The following TNS3 variants were observed in gnomAD, a reference collection of about 807,000 sequenced individuals.
TNS3 encodes tensin 3, also known as tensin-3.
TNS3 carries 45 observed loss-of-function variants against 140.9 expected under a neutral mutation model. The ratio of observed to expected loss-of-function variants is 0.32; its 90% CI spans 0.25 to 0.41. The LOEUF (loss-of-function observed/expected upper bound fraction) is 0.41. Ranked by LOEUF, TNS3 falls within the 10% of genes least tolerant of loss-of-function variation. The probability of loss-of-function intolerance (pLI) is 1.00; values close to 1 mark genes in which losing one functional copy is unlikely to be tolerated. For missense variants in TNS3, 1,716 were observed against 1,906.7 expected, an observed-to-expected ratio of 0.90 and a Z score of 1.86; for synonymous variants, 815 against 788.4, an observed-to-expected ratio of 1.03 and a Z score of -0.56.
intron 1 of TNS3, among the ~76,000 whole-genome samples, chr7:47,550,497 T>C (rs867761332): frequency 1.3e-5 from 2 of 152,156 alleles, no homozygotes; most frequent in South Asian, 4.1e-4. Flanking sequence ...TCCCTAGTTG[T>C]CCCACAGCAA....
chr7:47,531,852 C>A (rs766070552), intron 1 of TNS3, among the ~76,000 whole-genome samples: 1 of 152,190 alleles, frequency 6.6e-6, no homozygotes, highest in Admixed American at 6.5e-5. Context: ...AGCCTCCCTG[C>A]GCTCTTGAGT....
At chr7:47,372,720 G>A (rs149362273) in intron 16 of TNS3, among the ~76,000 whole-genome samples, 18 of 152,256 alleles carry the variant, frequency 1.2e-4, no homozygotes, top group South Asian at 4.1e-4. Context: ...CCCAGGTGGC[G>A]TTCAACCACC....
chr7:47,465,211 GC>G (rs371300103), intron 4 of TNS3, among the ~76,000 whole-genome samples: 12 of 152,366 alleles, frequency 7.9e-5, no homozygotes, highest in African/African-American at 2.9e-4. Flanking sequence ...TGGGTTTTCA[GC>G]GAAACATTTC....
intron 27 of TNS3, among the ~76,000 whole-genome samples, chr7:47,286,449 G>A (rs1451086014): frequency 6.6e-6 from 1 of 152,124 alleles, no homozygotes; most frequent in Admixed American, 6.5e-5. Flanking sequence ...GCATGCCTGC[G>A]CCTGCCTATG....
chr7:47,459,156 C>T (rs1420330233), intron 4 of TNS3, among the ~76,000 whole-genome samples: 1 of 152,166 alleles, frequency 6.6e-6, no homozygotes, highest in Non-Finnish European at 1.5e-5. Context: ...TCAAATTTCC[C>T]ACTCTTATGA....
chr7:47,334,914 C>G (rs1256633074), intron 20 of TNS3, among the ~76,000 whole-genome samples: 2 of 152,070 alleles, frequency 1.3e-5, no homozygotes, highest in African/African-American at 4.8e-5. Flanking sequence ...GCGAGAACCA[C>G]GACTTTTTAA....
At chr7:47,562,638 G>T (rs189209263) in intron 1 of TNS3, among the ~76,000 whole-genome samples, 1 of 152,098 alleles carries the variant, frequency 6.6e-6, no homozygotes, top group Non-Finnish European at 1.5e-5. Context: ...TGCCGCCTTG[G>T]TCTCCCAAAG....
At chr7:47,405,905 C>A (rs1176405097) in intron 13 of TNS3, among the ~76,000 whole-genome samples, 2 of 152,108 alleles carry the variant, frequency 1.3e-5, no homozygotes, top group Non-Finnish European at 2.9e-5. Context: ...ACCATGAACA[C>A]AAAATTCAAG....
intron 1 of TNS3, among the ~76,000 whole-genome samples, chr7:47,543,828 T>C (rs1701090154): frequency 6.6e-6 from 1 of 152,140 alleles, no homozygotes; most frequent in Non-Finnish European, 1.5e-5. Context: ...GTGCAGGCTG[T>C]CAATGAAATG....
chr7:47,497,737 T>C (rs1359372881), intron 3 of TNS3, among the ~76,000 whole-genome samples: 1 of 151,730 alleles, frequency 6.6e-6, no homozygotes, highest in Non-Finnish European at 1.5e-5. Flanking sequence ...TCTTTTGTTT[T>C]TGTTTACACT....
intron 1 of TNS3, among the ~76,000 whole-genome samples, chr7:47,573,166 A>G (rs1227653560): frequency 6.6e-6 from 1 of 152,226 alleles, no homozygotes; most frequent in Non-Finnish European, 1.5e-5. Flanking sequence ...ACTGAAGCCC[A>G]ACCAAGTAAC....
intron 8 of TNS3, among the ~76,000 whole-genome samples, chr7:47,430,107 A>ATTTCT (rs1200419811): frequency 5.5e-5 from 7 of 128,014 alleles, no homozygotes; most frequent in East Asian, 4.6e-4. Flanking sequence ...TAAAGCAAGT[A>ATTTCT]TTTCTTTTCT....
At position 47,303,021 on chromosome 7, in the gene TNS3, G is replaced by A. The variant is rs548297522; in HGVS notation, c.3386C>T (p.Thr1129Ile). The change falls in exon 22 of 31, where the codon ACC becomes ATC. Residue 1129 changes from threonine to isoleucine, a missense_variant. Transcript: ENST00000311160. ...SGFSSPHSGS[T>I]ISIPFPNVLP... is the part of the protein sequence containing the mutation. ...GACATTTGGGAAGGGGATACTGATG[G>A]TGCTCCCGCTGTGCGGGCTGGAGAA... The A allele has an allele frequency of 1.2e-6, 2 of 1,614,082 alleles. No homozygotes were observed. Among genetic ancestry groups the A allele is most frequent in the African/African-American group, 1.3e-5 (1 of 75,072 alleles).
At chr7:47,452,383 G>A (rs1796053313) in intron 4 of TNS3, among the ~76,000 whole-genome samples, 3 of 152,238 alleles carry the variant, frequency 2.0e-5, no homozygotes, top group Admixed American at 2.0e-4. Context: ...TCTGCTTAAT[G>A]CTTTTAAACA....
chr7:47,551,093 C>T (rs894677362), intron 1 of TNS3, among the ~76,000 whole-genome samples: 2 of 152,186 alleles, frequency 1.3e-5, no homozygotes, highest in East Asian at 1.9e-4. Flanking sequence ...CTGTGGGAAG[C>T]GCCAGGAAGA....
In TNS3 at chr7:47,407,784, A is replaced by C. The variant is rs1238709795; in HGVS notation, c.723+3943T>G. Among the ~76,000 whole-genome samples the C allele has an allele frequency of 6.6e-6, 1 of 152,168 alleles. No homozygotes were observed. The highest frequency in any genetic ancestry group is 1.5e-5 in the Non-Finnish European group (1 of 68,020). ...AGACACACAGAGGGAAGCCCAGGTG[A>C]GGACACAGGGAGAAGACAGCCACCT... On this transcript the variant is annotated intron_variant, in intron 13 of 30. Coordinates refer to ENST00000311160, the MANE Select transcript of TNS3 (RefSeq NM_022748.12). This position sits in a 1 kb window ranked among gnomAD's most constrained non-coding sequence, Gnocchi z 4.1.
chr7:47,346,036 T>C (rs770944319), intron 18 of TNS3, 151 bp downstream of exon 18: 32 of 1,070,214 alleles, frequency 3.0e-5, no homozygotes, highest in Middle Eastern at 2.7e-4. Flanking sequence ...GCCACGACCA[T>C]ATTTGTGAAA....
intron 21 of TNS3, among the ~76,000 whole-genome samples, chr7:47,304,355 T>C (rs1047961964): frequency 6.6e-6 from 1 of 152,222 alleles, no homozygotes; most frequent in African/African-American, 2.4e-5. Flanking sequence ...AGGGCTCCTC[T>C]TTTATTTTAA....
intron 4 of TNS3, among the ~76,000 whole-genome samples, chr7:47,448,966 G>A (rs138128320): frequency 3.2e-4 from 48 of 152,272 alleles, no homozygotes; most frequent in African/African-American, 9.9e-4. Flanking sequence ...TCTGTGGAGC[G>A]GGACAATGAT....
Sources: gnomAD v4.1 joint callset for allele counts (sites outside exome capture counted in the v4.1 genomes callset) on GRCh38, gnomAD v4.1.1 for gene constraint, Gnocchi (gnomAD v3.1) non-coding constraint, MANE v1.5 for transcripts, NCBI Gene and HGNC (gene_info 2026-07-23, HGNC 2026-07-21) for gene names.